ALMS1: variants seen among roughly 807,000 people sequenced by gnomAD.
The protein encoded by ALMS1 is centrosome-associated protein ALMS1.
In ALMS1, 271 loss-of-function variants were observed where a neutral mutation model predicts 352.2. The ratio of observed to expected loss-of-function variants is 0.77; its 90% CI spans 0.70 to 0.85. The LOEUF is 0.85. ALMS1 is among the 40% of genes least tolerant of loss of function. ALMS1 has a pLI of 0.00. For missense variants in ALMS1, 5,445 were observed against 4,870.7 expected, an observed-to-expected ratio of 1.12 and a Z score of -3.51; for synonymous variants, 1,865 against 1,761.2, an observed-to-expected ratio of 1.06 and a Z score of -1.48.
chr2:73,502,971 C>T (rs74687710), intron 10 of ALMS1, among the ~76,000 whole-genome samples: 2,465 of 152,220 alleles, frequency 0.016, 60 homozygotes, highest in African/African-American at 0.055. Context: ...AATATAGTCT[C>T]ATTTCCTATA....
intron 10 of ALMS1, among the ~76,000 whole-genome samples, chr2:73,510,626 C>T (rs981634731): frequency 2.0e-5 from 3 of 152,176 alleles, no homozygotes; most frequent in Non-Finnish European, 4.4e-5. Context: ...CCAGCCAGGG[C>T]TCTCCTGTGT....
chr2:73,477,959 C>T (rs1672615830), intron 9 of ALMS1, among the ~76,000 whole-genome samples: 1 of 152,106 alleles, frequency 6.6e-6, no homozygotes, highest in African/African-American at 2.4e-5. Flanking sequence ...TCTTTAATTT[C>T]TAACCTGGTT....
intron 14 of ALMS1, 121 bp downstream of exon 14, chr2:73,557,475 C>G: frequency 7.7e-7 from 1 of 1,294,092 alleles, no homozygotes; most frequent in Non-Finnish European, 1.1e-6. Flanking sequence ...CAGCTCTCTT[C>G]TATCTCATGT....
At chr2:73,563,865 CAG>C (rs1674722136) in intron 15 of ALMS1, among the ~76,000 whole-genome samples, 1 of 150,174 alleles carries the variant, frequency 6.7e-6, no homozygotes, top group Non-Finnish European at 1.5e-5. Context: ...AAAAATAAAA[CAG>C]ACAACCCTAG....
intron 10 of ALMS1, among the ~76,000 whole-genome samples, chr2:73,497,452 C>G (rs1319832679): frequency 1.3e-5 from 2 of 152,104 alleles, no homozygotes; most frequent in Non-Finnish European, 2.9e-5. Context: ...CATAGGTTTA[C>G]AGGCATACCT....
At chr2:73,482,348 GT>G in intron 9 of ALMS1, among the ~76,000 whole-genome samples, 1 of 152,244 alleles carries the variant, frequency 6.6e-6, no homozygotes, top group East Asian at 1.9e-4. Context: ...TGTGGTTTTT[GT>G]CTTTGGCTCT....
rs1671840687 is a variant in ALMS1 at position 73,448,016 on chromosome 2, A to G, written c.1489A>G (p.Ile497Val). 1 of 1,613,834 alleles carries G rather than the reference A, an allele frequency of 6.2e-7. No homozygotes were observed. The highest frequency in any genetic ancestry group is 1.1e-5 in the South Asian group (1 of 91,000). Residue 497 changes from isoleucine to valine, a missense_variant, in exon 8 of 23, where the codon ATC (isoleucine) becomes GTC (valine). By Grantham distance (29) the Ile-to-Val change is conservative. Coordinates refer to ENST00000613296, the MANE Select transcript of ALMS1 (RefSeq NM_001378454.1). ...TACTCAATCCAACTTGAAGTCAGGC[A>G]TCACTACCACTCCTGTTGATTCAGA... ...KVTQSNLKSG[I>V]TTTPVDSDIG... is the part of the protein sequence containing the mutation.
At chr2:73,461,187 C>T (rs985011137) in intron 9 of ALMS1, among the ~76,000 whole-genome samples, 3 of 152,236 alleles carry the variant, frequency 2.0e-5, no homozygotes, top group African/African-American at 4.8e-5. Context: ...GAGGCACCCC[C>T]CAGGAGGGGC....
At chr2:73,457,290 G>C (rs1448612887) in intron 9 of ALMS1, 1 of 152,122 alleles carries the variant, frequency 6.6e-6, no homozygotes, top group East Asian at 1.9e-4. Context: ...GGACTGCAGT[G>C]GCATGATCTT....
At chr2:73,608,767 C>G (rs1675874469) in intron 22 of ALMS1, among the ~76,000 whole-genome samples, 193 bp downstream of exon 22, 1 of 152,160 alleles carries the variant, frequency 6.6e-6, no homozygotes, top group African/African-American at 2.4e-5. Context: ...GTTTAACTCC[C>G]CATCCATAAT....
chr2:73,480,241 C>A (rs970163939), intron 9 of ALMS1, among the ~76,000 whole-genome samples: 2 of 151,930 alleles, frequency 1.3e-5, no homozygotes, highest in Non-Finnish European at 2.9e-5. Flanking sequence ...CCCACCCCAC[C>A]ACAGTCCCCA....
At chr2:73,592,634 A>G (rs1289342996) in intron 16 of ALMS1, among the ~76,000 whole-genome samples, 1 of 152,224 alleles carries the variant, frequency 6.6e-6, no homozygotes, top group African/African-American at 2.4e-5. Context: ...CAGCAGTACC[A>G]ATCCTCCTGC....
chr2:73,485,648 C>A, intron 9 of ALMS1, among the ~76,000 whole-genome samples: 1 of 152,220 alleles, frequency 6.6e-6, no homozygotes, highest in Admixed American at 6.5e-5. Flanking sequence ...CAAGCCTGGG[C>A]AATGGCGGGC....
chr2:73,423,767 C>A, intron 4 of ALMS1, among the ~76,000 whole-genome samples: 1 of 151,704 alleles, frequency 6.6e-6, no homozygotes, highest in South Asian at 2.1e-4. Flanking sequence ...TTCTCTTTCT[C>A]TTTTTGTTTG....
Position 73,572,945 on chromosome 2 carries a change from GGC to G in ALMS1, c.11070_11071del (p.Glu3691AlafsTer2). 1.2e-6 allele frequency: 2 copies of G among 1,614,028 alleles called. No individual in the cohort carries two copies. The highest frequency in any genetic ancestry group is 1.7e-6 in the Non-Finnish European group (2 of 1,179,994). On this transcript the variant is annotated frameshift_variant, in exon 16 of 23. Transcript: ENST00000613296. LOFTEE classifies it high-confidence loss of function. ...CCTAGAGAAAAGCCATAAAAATACA[GGC>G]GAGCTTAAAAAAAGCAAGGTGCTTT... ...KSLEKSHKNT[G>X]ELKKSKVLSH...
intron 9 of ALMS1, among the ~76,000 whole-genome samples, 183 bp from the exon 10 acceptor site, chr2:73,489,451 T>A (rs1204512404): frequency 6.6e-6 from 1 of 152,226 alleles, no homozygotes; most frequent in Non-Finnish European, 1.5e-5. Context: ...TGTGAGCCAT[T>A]TTATTCTGTA....
intron 11 of ALMS1, among the ~76,000 whole-genome samples, chr2:73,533,755 T>A (rs563211655): frequency 6.6e-6 from 1 of 152,312 alleles, no homozygotes; most frequent in South Asian, 2.1e-4. Flanking sequence ...GGCATATTTT[T>A]AAAATGAGAT....
intron 2 of ALMS1, among the ~76,000 whole-genome samples, chr2:73,418,302 C>T (rs1201702901): frequency 6.6e-6 from 1 of 152,106 alleles, no homozygotes; most frequent in Non-Finnish European, 1.5e-5. Context: ...GTATCACATT[C>T]ATGGGTGATA....
chr2:73,436,472 T>G (rs1202405411), intron 7 of ALMS1, among the ~76,000 whole-genome samples: 6 of 152,206 alleles, frequency 3.9e-5, no homozygotes, highest in African/African-American at 1.4e-4. Flanking sequence ...TTTTTCTGCT[T>G]CTTTCTCTTT....
Sources: gnomAD v4.1 joint callset for allele counts (sites outside exome capture counted in the v4.1 genomes callset) on GRCh38, gnomAD v4.1.1 for gene constraint, MANE v1.5 for transcripts, NCBI Gene and HGNC (gene_info 2026-07-23, HGNC 2026-07-21) for gene names.